Variants in AKAP13 observed in about 807,000 individuals in gnomAD.
AKAP13 encodes the protein A-kinase anchor protein 13.
In AKAP13, 80 loss-of-function variants were observed where a neutral mutation model predicts 264.5. The ratio of observed to expected loss-of-function variants is 0.30; its 90% CI spans 0.25 to 0.36. The LOEUF (loss-of-function observed/expected upper bound fraction) is 0.36. Ranked by LOEUF, AKAP13 falls within the 10% of genes least tolerant of loss-of-function variation. The pLI is 1.00. For missense variants in AKAP13, 3,712 were observed against 3,435.2 expected (o/e 1.08, Z -2.01); for synonymous variants, 1,380 against 1,250.2 (o/e 1.10, Z -2.19).
intron 1 of AKAP13, among the ~76,000 whole-genome samples, chr15:85,473,210 T>G (rs1013962120): frequency 1.1e-4 from 17 of 152,122 alleles, no homozygotes; most frequent in African/African-American, 4.1e-4. Context: ...GTCCTAAAAG[T>G]AAAGCTACTG....
intron 5 of AKAP13, among the ~76,000 whole-genome samples, chr15:85,568,289 CAAAAAAAAAGAAAAAAGGA>C (rs1197348878): frequency 7.1e-6 from 1 of 141,112 alleles, no homozygotes; most frequent in Non-Finnish European, 1.5e-5. Flanking sequence ...GACCCTCTAT[CAAAAAAAAAGAAAAAAGGA>C]AAAAAAAAGT....
At chr15:85,445,211 T>C (rs1167323498) in intron 1 of AKAP13, among the ~76,000 whole-genome samples, 1 of 152,200 alleles carries the variant, frequency 6.6e-6, no homozygotes, top group Non-Finnish European at 1.5e-5. Flanking sequence ...AACATTCAGT[T>C]AGTACAGTTT....
At chr15:85,725,237 C>A (rs570302835) in intron 26 of AKAP13, among the ~76,000 whole-genome samples, 1 of 152,092 alleles carries the variant, frequency 6.6e-6, no homozygotes, top group Non-Finnish European at 1.5e-5. Context: ...GTCATTTTCA[C>A]CCCCAAGTGA....
At chr15:85,599,624 A>T (rs1396326105) in intron 8 of AKAP13, among the ~76,000 whole-genome samples, 1 of 152,282 alleles carries the variant, frequency 6.6e-6, no homozygotes, top group East Asian at 1.9e-4. Context: ...AACAATGCCA[A>T]GTTTTCTTTG....
intron 2 of AKAP13, among the ~76,000 whole-genome samples, chr15:85,495,366 A>G (rs2075842976): frequency 2.0e-5 from 3 of 152,198 alleles, no homozygotes; most frequent in Admixed American, 2.0e-4. Flanking sequence ...GGCTCTACAG[A>G]ACACTGACTC....
At chr15:85,696,781 A>G (rs779621158) in intron 17 of AKAP13, among the ~76,000 whole-genome samples, 17 of 152,246 alleles carry the variant, frequency 1.1e-4, no homozygotes, top group Non-Finnish European at 1.6e-4. Context: ...CAGAGCAGTA[A>G]AGAGCATGCC....
intron 12 of AKAP13, among the ~76,000 whole-genome samples, chr15:85,658,875 C>T (rs2083215900): frequency 6.6e-6 from 1 of 152,154 alleles, no homozygotes; most frequent in Non-Finnish European, 1.5e-5. Flanking sequence ...AATAGGGTCT[C>T]ACCTAGCTTT....
At chr15:85,554,573 T>C (rs1368150579) in intron 5 of AKAP13, among the ~76,000 whole-genome samples, 1 of 152,060 alleles carries the variant, frequency 6.6e-6, no homozygotes, top group Non-Finnish European at 1.5e-5. Flanking sequence ...CAAGCAGGCT[T>C]CCCTTACTTT....
chr15:85,550,551 A>G (rs563175514), intron 5 of AKAP13, among the ~76,000 whole-genome samples: 2 of 152,350 alleles, frequency 1.3e-5, no homozygotes, highest in East Asian at 1.9e-4. Context: ...ACCAAGTGCT[A>G]TTGAGCAAGA....
chr15:85,711,924 C>A (rs866961594), intron 19 of AKAP13, among the ~76,000 whole-genome samples: 67 of 152,288 alleles, frequency 4.4e-4, no homozygotes, highest in African/African-American at 4.1e-4. Flanking sequence ...CCTCAAACTC[C>A]TGGGCTCAAG....
chr15:85,438,544 A>G (rs1236258526), intron 1 of AKAP13, among the ~76,000 whole-genome samples: 3 of 147,620 alleles, frequency 2.0e-5, no homozygotes, highest in Non-Finnish European at 4.5e-5. Flanking sequence ...AGCTGGAGGC[A>G]TCACACTACC....
Position 85,579,648 on chromosome 15 carries a change from C to G in AKAP13, c.1580C>G (p.Pro527Arg), listed in dbSNP as rs114851088. The G allele has an allele frequency of 8.6e-5, 139 of 1,614,214 alleles. 1 individual carries two copies. In the East Asian group the frequency reaches 2.5e-3, roughly 29 times the overall value. The change falls in exon 7 of 37, where the codon CCT (proline) becomes CGT (arginine). Residue 527 changes from proline to arginine, a missense_variant. Physicochemically the swap from Pro to Arg is moderately radical, Grantham distance 103. Coordinates refer to ENST00000394518, the MANE Select transcript of AKAP13 (RefSeq NM_007200.5). Reference sequence around the variant, plus strand: ...TCTGACGTGCACGTCACAAGTAAGCCTGTGGATAAAATCAGTGTTCCAAAC... The same window carrying G: ...TCTGACGTGCACGTCACAAGTAAGCGTGTGGATAAAATCAGTGTTCCAAAC... ...GASDVHVTSK[P>R]VDKISVPNCA...
At chr15:85,547,202 G>T (rs951510401) in intron 5 of AKAP13, among the ~76,000 whole-genome samples, 2 of 152,100 alleles carry the variant, frequency 1.3e-5, no homozygotes, top group Non-Finnish European at 2.9e-5. Flanking sequence ...ATAACTAGTT[G>T]CATTCTACAC....
chr15:85,726,135 G>A (rs2087603143), intron 26 of AKAP13: 1 of 310,714 alleles, frequency 3.2e-6, no homozygotes, highest in Non-Finnish European at 5.9e-6. Flanking sequence ...TGTCTTATGG[G>A]ATATATCTTT....
chr15:85,516,723 C>T (rs2076613707), intron 2 of AKAP13, among the ~76,000 whole-genome samples: 1 of 152,158 alleles, frequency 6.6e-6, no homozygotes, highest in Non-Finnish European at 1.5e-5. Flanking sequence ...AAAGAAAGCC[C>T]TCATTTATAT....
chr15:85,573,627 T>C (rs2078903036), intron 5 of AKAP13, among the ~76,000 whole-genome samples: 1 of 152,052 alleles, frequency 6.6e-6, no homozygotes, highest in South Asian at 2.1e-4. Flanking sequence ...AAAGGAAAAA[T>C]AACATTTCAT....
chr15:85,386,018 C>T (rs552020129), intron 1 of AKAP13, among the ~76,000 whole-genome samples: 1 of 151,842 alleles, frequency 6.6e-6, no homozygotes, highest in Non-Finnish European at 1.5e-5. Flanking sequence ...AGAGATGGGG[C>T]TTTTCCATGT....
intron 30 of AKAP13, among the ~76,000 whole-genome samples, chr15:85,734,788 TG>T (rs1340444764): frequency 6.6e-6 from 1 of 152,212 alleles, no homozygotes; most frequent in Non-Finnish European, 1.5e-5. Context: ...GCATATAAAG[TG>T]GAAGGTCTCA....
intron 33 of AKAP13, among the ~76,000 whole-genome samples, chr15:85,738,787 G>A (rs1192812404): frequency 1.4e-5 from 2 of 146,930 alleles, no homozygotes; most frequent in African/African-American, 5.1e-5. Flanking sequence ...GCAGTGAGCC[G>A]AGATTGCGCC....
Sources: allele counts gnomAD v4.1 joint callset (sites outside exome capture counted in the v4.1 genomes callset), GRCh38; gene constraint gnomAD v4.1.1; transcripts MANE v1.5; gene names NCBI Gene and HGNC (gene_info 2026-07-23, HGNC 2026-07-21).